The following SLC8A1 variants were observed in gnomAD, a reference collection of about 807,000 sequenced individuals.
SLC8A1 encodes the protein sodium/calcium exchanger 1.
A neutral mutation model predicts 68.3 loss-of-function variants in SLC8A1; 18 were observed. That is an observed-to-expected ratio of 0.26 (90% CI 0.18 to 0.39). The LOEUF (loss-of-function observed/expected upper bound fraction) is 0.39. Among genes scored for constraint, SLC8A1 ranks in the 10% least tolerant of loss-of-function variants. SLC8A1 has a pLI of 1.00. For missense variants in SLC8A1, 985 were observed against 1,156.7 expected, an observed-to-expected ratio of 0.85 and a Z score of 2.15; for synonymous variants, 475 against 415.5, an observed-to-expected ratio of 1.14 and a Z score of -1.74.
chr2:40,175,708 A>T (rs1317687652), intron 3 of SLC8A1, among the ~76,000 whole-genome samples: 1 of 152,138 alleles, frequency 6.6e-6, no homozygotes, highest in Admixed American at 6.5e-5. Context: ...TCAATCCAAC[A>T]TATGGAAGTC....
chr2:40,329,060 T>TCTCA (rs1553510042), intron 2 of SLC8A1, among the ~76,000 whole-genome samples: 9 of 141,236 alleles, frequency 6.4e-5, no homozygotes, highest in African/African-American at 2.1e-4. Context: ...CACTACAACC[T>TCTCA]CACACACACA....
chr2:40,478,370 G>T (rs1365291004), intron 1 of SLC8A1, among the ~76,000 whole-genome samples: 2 of 152,286 alleles, frequency 1.3e-5, no homozygotes, highest in East Asian at 1.9e-4. Flanking sequence ...TGTGTCTTTT[G>T]TGTCCTGTTT....
intron 2 of SLC8A1, among the ~76,000 whole-genome samples, chr2:40,286,356 A>T (rs2068311692): frequency 6.6e-6 from 1 of 152,244 alleles, no homozygotes; most frequent in South Asian, 2.1e-4. Flanking sequence ...TATGAAAGAC[A>T]GAGGGCACCT....
chr2:40,291,121 G>A (rs77368928), intron 2 of SLC8A1, among the ~76,000 whole-genome samples: 8,247 of 152,196 alleles, frequency 0.054, 716 homozygotes, highest in African/African-American at 0.19. Context: ...GGATGTAGGC[G>A]ACTTCTTTCA....
At chr2:40,359,317 T>C (rs1033242009) in intron 2 of SLC8A1, among the ~76,000 whole-genome samples, 1 of 152,176 alleles carries the variant, frequency 6.6e-6, no homozygotes, top group Non-Finnish European at 1.5e-5. Flanking sequence ...ATTTCACCTA[T>C]TTATTTTTAC....
intron 2 of SLC8A1, among the ~76,000 whole-genome samples, chr2:40,378,567 C>T (rs1271511812): frequency 6.6e-6 from 1 of 152,052 alleles, no homozygotes; most frequent in Non-Finnish European, 1.5e-5. Flanking sequence ...CTGGGAAAAT[C>T]AGCATTATTT....
chr2:40,131,653 T>C (rs974468691), intron 7 of SLC8A1, among the ~76,000 whole-genome samples: 15 of 152,172 alleles, frequency 9.9e-5, no homozygotes, highest in African/African-American at 3.6e-4. Context: ...TGGAATGTAA[T>C]TTCCAAAGCT....
intron 7 of SLC8A1, among the ~76,000 whole-genome samples, chr2:40,116,593 G>T (rs1329885461): frequency 6.6e-6 from 1 of 152,122 alleles, no homozygotes; most frequent in East Asian, 1.9e-4. Context: ...ATAGTTTACT[G>T]AGAATGATGG....
chr2:40,427,382 G>A (rs1223830579), intron 2 of SLC8A1, among the ~76,000 whole-genome samples: 1 of 151,996 alleles, frequency 6.6e-6, no homozygotes, highest in South Asian at 2.1e-4. Flanking sequence ...TTTTCGAACT[G>A]TATTTATATA....
chr2:40,416,010 C>T (rs749189906), intron 2 of SLC8A1, among the ~76,000 whole-genome samples: 6 of 148,486 alleles, frequency 4.0e-5, no homozygotes, highest in Non-Finnish European at 5.9e-5. Flanking sequence ...GAGATCACGC[C>T]ACTGCACTTA....
In SLC8A1 at chr2:40,164,841, T is replaced by C. The variant is rs1358105071; in HGVS notation, c.2061+13A>G. 3 of 1,613,366 alleles carry C rather than the reference T, an allele frequency of 1.9e-6. No homozygotes were observed. The African/African-American group carries it at 4.0e-5, about 22-fold the overall frequency. On this transcript the variant is annotated intron_variant, in intron 5 of 7. Transcript: ENST00000406785. The stretch of plus-strand genomic sequence containing the variant: ...TGAGACTGGCTCCTGGTGGGCAGTG[T>C]TGGTGAGCATACCTTGAATTCATAG...
rs137900136 is a variant in SLC8A1, at chr2:40,139,582, C to A, written c.2256G>T (p.Leu752=). The stretch of plus-strand genomic sequence containing the variant: ...ATTCAGTAGGGGGGACGAAGGCAAA[C>A]AGGACCTTCCAGAACACAGTCAGAA... Residue 752 remains leucine, a synonymous_variant, in exon 7 of 8, where the codon CTG becomes CTT. Transcript: ENST00000406785. The A allele has an allele frequency of 4.3e-6, 7 of 1,614,044 alleles. No individual in the cohort carries two copies. In the African/African-American group the frequency reaches 8.0e-5, roughly 18 times the overall value.
chr2:40,401,546 G>C (rs1290984203), intron 2 of SLC8A1, among the ~76,000 whole-genome samples: 1 of 95,158 alleles, frequency 1.1e-5, no homozygotes, highest in Non-Finnish European at 1.9e-5. Context: ...AAGGAAACTA[G>C]TTTTGAATTA....
intron 2 of SLC8A1, among the ~76,000 whole-genome samples, chr2:40,395,556 T>C (rs1472234264): frequency 1.3e-5 from 2 of 152,080 alleles, no homozygotes; most frequent in Non-Finnish European, 2.9e-5. Context: ...CCTACTTGGA[T>C]GAGAGCATTT....
intron 2 of SLC8A1, among the ~76,000 whole-genome samples, chr2:40,260,164 C>T (rs975876716): frequency 1.3e-5 from 2 of 152,188 alleles, no homozygotes; most frequent in African/African-American, 2.4e-5. Flanking sequence ...CAACACCCTC[C>T]CCTCCTTTTT....
chr2:40,500,795 C>CTTT (rs1191619172), intron 1 of SLC8A1, among the ~76,000 whole-genome samples: 512 of 37,180 alleles, frequency 0.014, 91 homozygotes, highest in East Asian at 0.045. Context: ...TATCATCTGA[C>CTTT]TTTTTTTTTT....
intron 7 of SLC8A1, among the ~76,000 whole-genome samples, chr2:40,126,817 T>C (rs1301192539): frequency 2.0e-5 from 3 of 152,184 alleles, no homozygotes; most frequent in African/African-American, 7.2e-5. Flanking sequence ...ATCATCTGTT[T>C]ATAAGTACCA....
chr2:40,272,694 A>C (rs1205542737), intron 2 of SLC8A1, among the ~76,000 whole-genome samples: 1 of 152,190 alleles, frequency 6.6e-6, no homozygotes, highest in African/African-American at 2.4e-5. Context: ...TGCATCAGGC[A>C]ATGCCCTTTT....
chr2:40,309,911 A>T (rs1322099247), intron 2 of SLC8A1, among the ~76,000 whole-genome samples: 1 of 152,160 alleles, frequency 6.6e-6, no homozygotes, highest in Non-Finnish European at 1.5e-5. Flanking sequence ...AACCATCACC[A>T]TTCTCTAATT....
Sources: allele counts gnomAD v4.1 joint callset (sites outside exome capture counted in the v4.1 genomes callset), GRCh38; gene constraint gnomAD v4.1.1; transcripts MANE v1.5; gene names NCBI Gene and HGNC (gene_info 2026-07-23, HGNC 2026-07-21).